PALLD: variants seen among roughly 807,000 people sequenced by gnomAD.
PALLD encodes the protein palladin.
PALLD carries 61 observed loss-of-function variants against 123.5 expected under a neutral mutation model. The observed-to-expected ratio is 0.49, with a 90% confidence interval of 0.40 to 0.61. The LOEUF is 0.61. Among genes scored for constraint, PALLD ranks in the 20% least tolerant of loss-of-function variants. The pLI, the probability that PALLD is intolerant of heterozygous loss-of-function variation, is 0.00. For synonymous variants in PALLD, 465 were observed against 496.4 expected (o/e 0.94, Z 0.84); for missense variants, 1,273 against 1,377.0 (o/e 0.92, Z 1.20).
chr4:168,622,084 G>T (rs1774819479), intron 2 of PALLD, among the ~76,000 whole-genome samples: 1 of 152,118 alleles, frequency 6.6e-6, no homozygotes, highest in Non-Finnish European at 1.5e-5. Flanking sequence ...AGAAGATTCT[G>T]CTTTAAAAAC....
At chr4:168,916,497 A>AATCTG (rs1553980944) in intron 17 of PALLD, among the ~76,000 whole-genome samples, 9 of 152,134 alleles carry the variant, frequency 5.9e-5, no homozygotes, top group Non-Finnish European at 1.3e-4. Flanking sequence ...CTTTAAATCT[A>AATCTG]AATTAAATAT....
At chr4:168,552,566 CT>C (rs1360533197) in intron 2 of PALLD, among the ~76,000 whole-genome samples, 1 of 152,190 alleles carries the variant, frequency 6.6e-6, no homozygotes, top group South Asian at 2.1e-4. Flanking sequence ...CCATAACCCC[CT>C]ATACAGGAAG....
chr4:168,657,611 C>T (rs747585855), intron 2 of PALLD, among the ~76,000 whole-genome samples: 7 of 152,192 alleles, frequency 4.6e-5, no homozygotes, highest in South Asian at 2.1e-4. Context: ...ATTATACTAA[C>T]GAGCAGCCTG....
chr4:168,878,694 TGC>T (rs1752204054), intron 10 of PALLD, among the ~76,000 whole-genome samples: 1 of 120,452 alleles, frequency 8.3e-6, no homozygotes, highest in African/African-American at 3.4e-5. Flanking sequence ...GGGGGGGGGG[TGC>T]TTAGCTATCA....
At chr4:168,791,392 T>G (rs1160951021) in intron 10 of PALLD, among the ~76,000 whole-genome samples, 1 of 152,204 alleles carries the variant, frequency 6.6e-6, no homozygotes, top group Non-Finnish European at 1.5e-5. Context: ...AGAGGTTTAA[T>G]TGACTCAGTA....
intron 2 of PALLD, among the ~76,000 whole-genome samples, chr4:168,605,214 T>G (rs1363887745): frequency 6.6e-6 from 1 of 150,580 alleles, no homozygotes; most frequent in Non-Finnish European, 1.5e-5. Flanking sequence ...GGAGCAGTGG[T>G]TCTCAAGCCT....
At chr4:168,704,664 C>CAAAAAA (rs35183478) in intron 8 of PALLD, among the ~76,000 whole-genome samples, 1 of 81,400 alleles carries the variant, frequency 1.2e-5, no homozygotes, top group Non-Finnish European at 2.4e-5. Flanking sequence ...GACTCTGTCT[C>CAAAAAA]AAAAAAAAAA....
chr4:168,866,585 T>A (rs1750321434), intron 10 of PALLD, among the ~76,000 whole-genome samples: 1 of 152,226 alleles, frequency 6.6e-6, no homozygotes, highest in African/African-American at 2.4e-5. Context: ...TATTTAGCTG[T>A]AAACACATGA....
chr4:168,552,313 T>C (rs1440142902), intron 2 of PALLD, among the ~76,000 whole-genome samples: 1 of 152,090 alleles, frequency 6.6e-6, no homozygotes, highest in African/African-American at 2.4e-5. Context: ...TTGGATTCAT[T>C]TGGTTTTTTG....
chr4:168,898,765 T>A, intron 14 of PALLD, 51 bp downstream of exon 14: 1 of 1,227,948 alleles, frequency 8.1e-7, no homozygotes, highest in Non-Finnish European at 1.2e-6. Flanking sequence ...AGGAAAGGTT[T>A]AGCTTCCAAA....
intron 2 of PALLD, among the ~76,000 whole-genome samples, chr4:168,519,177 C>G (rs1009630151): frequency 7.2e-5 from 11 of 152,172 alleles, no homozygotes; most frequent in Non-Finnish European, 1.6e-4. Flanking sequence ...CAGTCAATTC[C>G]AGACAGCAGT....
chr4:168,801,734 T>A (rs1040930308), intron 10 of PALLD, among the ~76,000 whole-genome samples: 1 of 152,182 alleles, frequency 6.6e-6, no homozygotes, highest in East Asian at 1.9e-4. Context: ...AAGATGTCTC[T>A]CCTTTTGTGA....
At position 168,511,375 on chromosome 4, in the gene PALLD, A is replaced by AT. The variant is rs1762515381; in HGVS notation, c.-82-47dup. On this transcript the variant is annotated intron_variant, in intron 1 of 21. Transcript: ENST00000505667. The stretch of plus-strand genomic sequence containing the variant: ...GTGACTTACAAGTTTTATGATTAAA[A>AT]TGGGGAAAAAATCATTGCTACTAAT... The AT allele has an allele frequency of 2.5e-5, 17 of 687,560 alleles. No homozygotes were observed. The South Asian group carries it at 2.8e-4, about 11-fold the overall frequency. 42.6% of individuals were successfully genotyped at this position (687,560 alleles called of 1,614,324 possible).
At chr4:168,742,220 C>T (rs76708086) in intron 10 of PALLD, among the ~76,000 whole-genome samples, 1 of 152,192 alleles carries the variant, frequency 6.6e-6, no homozygotes, top group African/African-American at 2.4e-5. Context: ...TTGTCCATCT[C>T]TCCGTCCTTC....
intron 2 of PALLD, among the ~76,000 whole-genome samples, chr4:168,667,896 G>T (rs747267539): frequency 6.6e-6 from 1 of 152,050 alleles, no homozygotes; most frequent in Non-Finnish European, 1.5e-5. Context: ...CATTTTATAA[G>T]ACACTGAGTT....
chr4:168,637,530 A>C lies in PALLD; in HGVS notation c.909-30660A>C, dbSNP rs1478590007. ...AAAAAAAAAAGTAGTGACTGAGATC[A>C]GAAGACAAGTAATTATCACAACTCT... On this transcript the variant is annotated intron_variant, in intron 2 of 21. Transcript: ENST00000505667. Among the ~76,000 whole-genome samples, 6 of 152,040 alleles carry C rather than the reference A, an allele frequency of 3.9e-5. No homozygotes were observed. In the South Asian group the frequency reaches 6.3e-4, roughly 16 times the overall value.
chr4:168,518,575 GT>G (rs1443702321), intron 2 of PALLD, among the ~76,000 whole-genome samples: 1 of 152,048 alleles, frequency 6.6e-6, no homozygotes, highest in African/African-American at 2.4e-5. Flanking sequence ...TGCTCCCTCT[GT>G]TTGTAAATCT....
intron 10 of PALLD, among the ~76,000 whole-genome samples, chr4:168,759,202 A>AAAAAAAAAT (rs1554077926): frequency 1.3e-4 from 3 of 22,306 alleles, no homozygotes; most frequent in East Asian, 1.3e-3. Context: ...AAAAAAAAAA[A>AAAAAAAAAT]ATATATATAT....
intron 10 of PALLD, among the ~76,000 whole-genome samples, chr4:168,785,307 G>A (rs950411225): frequency 5.3e-5 from 8 of 151,984 alleles, no homozygotes; most frequent in African/African-American, 1.7e-4. Context: ...TTCGACATCC[G>A]AAAGTGAATC....
Sources: gnomAD v4.1 joint callset for allele counts (sites outside exome capture counted in the v4.1 genomes callset) on GRCh38, gnomAD v4.1.1 for gene constraint, MANE v1.5 for transcripts, NCBI Gene and HGNC (gene_info 2026-07-23, HGNC 2026-07-21) for gene names.